Variants in PLEKHA2 observed in about 807,000 individuals in gnomAD.
The protein encoded by PLEKHA2 is pleckstrin homology domain containing A2, also known as pleckstrin homology domain-containing family A member 2.
Under a neutral mutation model 53.2 loss-of-function variants are expected in PLEKHA2, and 28 were observed. That is an observed-to-expected ratio of 0.53 (90% CI 0.39 to 0.72). The LOEUF (loss-of-function observed/expected upper bound fraction) is 0.72. Ranked by LOEUF, PLEKHA2 falls within the 30% of genes least tolerant of loss-of-function variation. The probability of loss-of-function intolerance (pLI) is 0.00; values close to 1 mark genes in which losing one functional copy is unlikely to be tolerated. For synonymous variants in PLEKHA2, 193 were observed against 196.4 expected (o/e 0.98, Z 0.14); for missense variants, 426 against 537.9 (o/e 0.79, Z 2.06).
At chr8:38,936,135 C>A in intron 3 of PLEKHA2, 85 bp downstream of exon 3, 1 of 1,431,896 alleles carries the variant, frequency 7.0e-7, no homozygotes, top group Non-Finnish European at 9.8e-7. Context: ...GTCCTTTGGG[C>A]ATTAGTATTT....
chr8:38,906,180 G>A (rs1255108511), intron 1 of PLEKHA2, among the ~76,000 whole-genome samples: 1 of 152,230 alleles, frequency 6.6e-6, no homozygotes, highest in Non-Finnish European at 1.5e-5. Context: ...TTTATAGGCT[G>A]TAAAGCCAGT....
Position 38,972,874 on chromosome 8 carries a change from AC to A in PLEKHA2, c.*3094del, listed in dbSNP as rs1416241227. ...TCATAAGGCTTTTGAAGTGGTCTTG[AC>A]CCACTGTGTGTAACAGTATTTCAGG... On this transcript the variant is annotated 3_prime_UTR_variant, in exon 12 of 12. Coordinates refer to ENST00000617275, the MANE Select transcript of PLEKHA2 (RefSeq NM_021623.2). 7 of 152,078 alleles carry A rather than the reference AC, an allele frequency of 4.6e-5. No homozygotes were observed. The highest frequency in any genetic ancestry group is 8.8e-5 in the Non-Finnish European group (6 of 68,018). The allele number at this position is 152,078 out of a possible 1,614,324, so 9.4% of individuals were successfully genotyped here. A position where few individuals can be genotyped will look rare whatever the true frequency, so the allele number is the denominator to read the frequency against.
intron 1 of PLEKHA2, among the ~76,000 whole-genome samples, chr8:38,902,225 G>GT (rs1029306470): frequency 7.3e-6 from 1 of 136,526 alleles, no homozygotes; most frequent in Non-Finnish European, 1.6e-5. Flanking sequence ...GGGTGTGGGG[G>GT]GGGGTGGTGG....
intron 1 of PLEKHA2, chr8:38,902,218 T>TGGGGGG (rs1391383723): frequency 2.0e-5 from 2 of 100,196 alleles, no homozygotes; most frequent in Non-Finnish European, 3.9e-5. Flanking sequence ...AAAAGAAGGG[T>TGGGGGG]GTGGGGGGGG....
rs1433688274 is a variant in PLEKHA2 at position 38,969,676 on chromosome 8, G to T, written c.1171G>T (p.Val391Leu). Residue 391 changes from valine (V) to leucine (L), a missense_variant, in exon 12 of 12, where the codon GTG becomes TTG. Val to Leu is a conservative substitution (Grantham distance 32). Transcript: ENST00000617275. ...PRPGEGSAPG[V>L]LPSSRIRHRS... ...TCCTGGGGAGGGCAGCGCTCCTGGG[G>T]TGCTGCCCAGCTCCCGGATAAGGCA... 6.3e-7 allele frequency: 1 copy of T among 1,583,096 alleles called. No individual in the cohort carries two copies. The highest frequency in any genetic ancestry group is 1.3e-5 in the African/African-American group (1 of 74,208).
intron 3 of PLEKHA2, among the ~76,000 whole-genome samples, chr8:38,943,168 C>T (rs548112583): frequency 1.3e-5 from 2 of 152,190 alleles, no homozygotes; most frequent in Admixed American, 1.3e-4. Flanking sequence ...AGGTTTTCGT[C>T]AGGACTTAGT....
intron 9 of PLEKHA2, 124 bp downstream of exon 9, chr8:38,953,491 T>A: frequency 1.0e-6 from 1 of 989,748 alleles, no homozygotes; most frequent in Non-Finnish European, 1.6e-6. Context: ...CACAGGAGCC[T>A]AACACCTTGT....
chr8:38,965,628 A>G (rs1450576157), intron 10 of PLEKHA2, among the ~76,000 whole-genome samples: 1 of 152,010 alleles, frequency 6.6e-6, no homozygotes, highest in East Asian at 1.9e-4. Context: ...CTTTTTTTTA[A>G]CCTCCAAATA....
At chr8:38,956,305 G>A (rs1027965715) in intron 9 of PLEKHA2, among the ~76,000 whole-genome samples, 3 of 152,294 alleles carry the variant, frequency 2.0e-5, no homozygotes, top group Admixed American at 6.5e-5. Context: ...ACCCAGCAGT[G>A]TCCCCTAAAG....
chr8:38,927,851 G>A (rs1277739934), intron 2 of PLEKHA2, among the ~76,000 whole-genome samples: 1 of 152,118 alleles, frequency 6.6e-6, no homozygotes, highest in Non-Finnish European at 1.5e-5. Context: ...CCAGGACATC[G>A]GGATGGATGG....
At chr8:38,963,541 G>A (rs1379313705) in intron 10 of PLEKHA2, among the ~76,000 whole-genome samples, 1 of 152,120 alleles carries the variant, frequency 6.6e-6, no homozygotes, top group African/African-American at 2.4e-5. Context: ...GTTTCATTGA[G>A]TTTTTGTTTC....
rs1009165282 is a variant in PLEKHA2 at position 38,926,652 on chromosome 8, C to T, written c.141+8582C>T. On this transcript the variant is annotated intron_variant, in intron 2 of 11. Coordinates refer to ENST00000617275, the MANE Select transcript of PLEKHA2 (RefSeq NM_021623.2). ...AATTAAAAAAAATTAAAAACTAAGCCGGGTGCGGTGGCTCACGCCTGTAAT... is the reference window on the plus strand; with the variant it reads ...AATTAAAAAAAATTAAAAACTAAGCTGGGTGCGGTGGCTCACGCCTGTAAT... Among the ~76,000 whole-genome samples the T allele has an allele frequency of 3.7e-4, 56 of 152,142 alleles. 2 individuals carry two copies. The highest frequency in any genetic ancestry group is 1.5e-5 in the Non-Finnish European group (1 of 68,038).
intron 2 of PLEKHA2, among the ~76,000 whole-genome samples, chr8:38,934,032 T>G (rs1834446032): frequency 6.6e-6 from 1 of 151,984 alleles, no homozygotes; most frequent in Non-Finnish European, 1.5e-5. Flanking sequence ...TTTTCTTGCT[T>G]GAATTTGCTT....
In PLEKHA2 at chr8:38,929,505, T is replaced by A. The variant is rs191651151; in HGVS notation, c.142-6489T>A. ...AAGGAAAGTGCATGGGATTTGGGAA[T>A]CAGGAAGGGTTGGGCTTGAATACTG... On this transcript the variant is annotated intron_variant, in intron 2 of 11. Transcript: ENST00000617275. Among the ~76,000 whole-genome samples the A allele has an allele frequency of 2.6e-5, 4 of 152,356 alleles. No individual in the cohort carries two copies. In the East Asian group the frequency reaches 5.8e-4, roughly 22 times the overall value.
chr8:38,965,425 G>A (rs1002656232), intron 10 of PLEKHA2, among the ~76,000 whole-genome samples: 2 of 152,094 alleles, frequency 1.3e-5, no homozygotes, highest in African/African-American at 4.8e-5. Flanking sequence ...ACTGATTATC[G>A]GATTGTCATC....
chr8:38,950,484 T>C (rs569980565), intron 5 of PLEKHA2: 7 of 176,664 alleles, frequency 4.0e-5, no homozygotes, highest in African/African-American at 1.4e-4. Flanking sequence ...CCACCATTTG[T>C]AATTACTCTG....
chr8:38,929,871 T>G (rs1834358095), intron 2 of PLEKHA2, among the ~76,000 whole-genome samples: 2 of 151,070 alleles, frequency 1.3e-5, no homozygotes, highest in Admixed American at 1.3e-4. Context: ...TGCTGTGAGT[T>G]TATGGATCGA....
intron 1 of PLEKHA2, among the ~76,000 whole-genome samples, chr8:38,907,557 C>T (rs1427958740): frequency 6.6e-6 from 1 of 152,114 alleles, no homozygotes; most frequent in Non-Finnish European, 1.5e-5. Context: ...GCCAGAGGAT[C>T]ACTTGAGCCT....
chr8:38,933,844 A>G (rs1834442125), intron 2 of PLEKHA2, among the ~76,000 whole-genome samples: 2 of 149,378 alleles, frequency 1.3e-5, no homozygotes, highest in South Asian at 4.3e-4. Flanking sequence ...ATGTGTAAAT[A>G]GAAGTGTAAA....
Sources: allele counts gnomAD v4.1 joint callset (sites outside exome capture counted in the v4.1 genomes callset), GRCh38; gene constraint gnomAD v4.1.1; transcripts MANE v1.5; gene names NCBI Gene and HGNC (gene_info 2026-07-23, HGNC 2026-07-21).